The following ADAM12 variants were observed in gnomAD, a reference collection of about 807,000 sequenced individuals.
ADAM12 encodes the protein ADAM metallopeptidase domain 12, also known as disintegrin and metalloproteinase domain-containing protein 12.
ADAM12 carries 70 observed loss-of-function variants against 106.4 expected under a neutral mutation model. The observed-to-expected ratio is 0.66, with a 90% CI of 0.54 to 0.80. The LOEUF is 0.80. Ranked by LOEUF, ADAM12 falls within the 30% of genes least tolerant of loss-of-function variation. The pLI is 0.00. For missense variants in ADAM12, 1,010 were observed against 1,171.9 expected, an observed-to-expected ratio of 0.86 and a Z score of 2.02; for synonymous variants, 420 against 433.5, an observed-to-expected ratio of 0.97 and a Z score of 0.39.
rs953513715 is a variant in ADAM12, at chr10:126,305,972, C to T, written c.186+24440G>A. On this transcript the variant is annotated intron_variant, in intron 2 of 22. Coordinates refer to ENST00000448723, the MANE Select transcript of ADAM12 (RefSeq NM_001288973.2). ...GTAGGAAGTTCTATATTTATATATACTTCATTTCTGTATGTATTGACATTT... is the reference window on the plus strand; with the variant it reads ...GTAGGAAGTTCTATATTTATATATATTTCATTTCTGTATGTATTGACATTT... Among the ~76,000 whole-genome samples the T allele has an allele frequency of 9.2e-5, 14 of 151,966 alleles. 1 individual carries two copies. The highest frequency in any genetic ancestry group is 3.4e-4 in the African/African-American group (14 of 41,522).
In ADAM12 at chr10:126,388,439, T is replaced by G. The variant is rs1856762135; in HGVS notation, c.-294A>C. The G allele has an allele frequency of 4.0e-6, 1 of 249,646 alleles. No individual in the cohort carries two copies. Among genetic ancestry groups the G allele is most frequent in the South Asian group, 1.8e-4 (1 of 5,698 alleles). The allele number at this position is 249,646 out of a possible 1,614,324, so 15.5% of individuals were successfully genotyped here. ...AAACTGTCCGAGTTGGCCCGGGGAC[T>G]AGGAAGAGCGTTAGTGAGAGAAGGC... On this transcript the variant is annotated 5_prime_UTR_variant, in exon 1 of 23. Transcript: ENST00000448723. The surrounding 1 kb of genome is among the most constrained non-coding windows in gnomAD (Gnocchi z 4.4).
At chr10:126,042,144 C>CT (rs1171586299) in intron 18 of ADAM12, 1 of 1,613,676 alleles carries the variant, frequency 6.2e-7, no homozygotes, top group South Asian at 1.1e-5. Flanking sequence ...AGATGAGTGT[C>CT]AGTGAGGCAG....
intron 3 of ADAM12, among the ~76,000 whole-genome samples, chr10:126,197,983 A>G (rs1201607722): frequency 1.3e-5 from 2 of 152,230 alleles, no homozygotes; most frequent in African/African-American, 4.8e-5. Flanking sequence ...TGGGGCTTCA[A>G]TGTGAAATTA....
At chr10:126,158,217 C>G (rs56771976) in intron 3 of ADAM12, among the ~76,000 whole-genome samples, 148,767 of 148,770 alleles carry the variant, frequency 1, 74,382 homozygotes, top group Non-Finnish European at 1. Flanking sequence ...CAGGACATAT[C>G]TGCAGAGCAC....
chr10:126,322,990 G>T (rs1400077427), intron 2 of ADAM12, among the ~76,000 whole-genome samples: 1 of 152,154 alleles, frequency 6.6e-6, no homozygotes, highest in Non-Finnish European at 1.5e-5. Context: ...GTCAGGCCAA[G>T]GGTGGGGTTG....
At chr10:126,246,371 A>G (rs1439474405) in intron 3 of ADAM12, among the ~76,000 whole-genome samples, 1 of 152,224 alleles carries the variant, frequency 6.6e-6, no homozygotes, top group Non-Finnish European at 1.5e-5. Context: ...AACCTAAGGT[A>G]AACTGCGAAT....
chr10:126,183,017 C>A (rs1176611658), intron 3 of ADAM12, among the ~76,000 whole-genome samples: 2 of 152,154 alleles, frequency 1.3e-5, no homozygotes, highest in Non-Finnish European at 2.9e-5. Context: ...AGAGCTCCAA[C>A]TCCTGTCAGA....
intron 3 of ADAM12, among the ~76,000 whole-genome samples, chr10:126,192,301 G>A (rs1957517670): frequency 6.6e-6 from 1 of 152,056 alleles, no homozygotes; most frequent in East Asian, 1.9e-4. Context: ...ATAGTGCCTG[G>A]TACATAGTAA....
intron 3 of ADAM12, among the ~76,000 whole-genome samples, chr10:126,222,824 G>T (rs1479189609): frequency 6.6e-6 from 1 of 152,122 alleles, no homozygotes; most frequent in East Asian, 1.9e-4. Flanking sequence ...TAGTCTTCCT[G>T]GCTCCATATA....
rs1343260902 is a variant in ADAM12, at chr10:126,053,414, G to A, written c.1610-3745C>T. ...AGGTGTGTGTAAGATGCAATGCCTTGTTTACCAATAACGCAGAAGCATGGT... is the reference window on the plus strand; with the variant it reads ...AGGTGTGTGTAAGATGCAATGCCTTATTTACCAATAACGCAGAAGCATGGT... On this transcript the variant is annotated intron_variant, in intron 14 of 22. Coordinates refer to ENST00000448723, the MANE Select transcript of ADAM12 (RefSeq NM_001288973.2). This position sits in a 1 kb window ranked among gnomAD's most constrained non-coding sequence, Gnocchi z 4.6. Among the ~76,000 whole-genome samples the A allele has an allele frequency of 3.3e-5, 5 of 152,200 alleles. 1 individual carries two copies. Among genetic ancestry groups the A allele is most frequent in the South Asian group, 4.1e-4 (2 of 4,828 alleles).
chr10:126,177,820 T>C (rs775520112), intron 3 of ADAM12, among the ~76,000 whole-genome samples: 1 of 152,212 alleles, frequency 6.6e-6, no homozygotes, highest in Non-Finnish European at 1.5e-5. Flanking sequence ...TAACTGCGGC[T>C]GAAGTCCTTC....
At chr10:126,253,342 T>A (rs1164670361) in intron 3 of ADAM12, among the ~76,000 whole-genome samples, 2 of 152,208 alleles carry the variant, frequency 1.3e-5, no homozygotes, top group East Asian at 3.9e-4. Flanking sequence ...CATCAAAGGT[T>A]TTTCATCTGC....
chr10:126,368,341 T>C (rs1265837941), intron 1 of ADAM12, among the ~76,000 whole-genome samples: 1 of 148,708 alleles, frequency 6.7e-6, no homozygotes, highest in African/African-American at 2.5e-5. Context: ...GATCCCAGCT[T>C]AGATTGTGTG....
chr10:126,236,708 G>A (rs1292212593), intron 3 of ADAM12, among the ~76,000 whole-genome samples: 2 of 151,808 alleles, frequency 1.3e-5, no homozygotes, highest in Admixed American at 6.6e-5. Context: ...TCACAGGAAG[G>A]AGCACCTGCA....
chr10:126,242,251 G>A (rs6597749), intron 3 of ADAM12, among the ~76,000 whole-genome samples: 34,318 of 152,100 alleles, frequency 0.23, 4,133 homozygotes, highest in African/African-American at 0.31. Context: ...CCCAGACTCT[G>A]TCAAGTTGTA....
intron 3 of ADAM12, among the ~76,000 whole-genome samples, chr10:126,217,338 T>C (rs916174133): frequency 2.7e-5 from 4 of 150,782 alleles, no homozygotes; most frequent in African/African-American, 7.3e-5. Flanking sequence ...GAAGTTATCA[T>C]AGGAAAACAG....
intron 20 of ADAM12, among the ~76,000 whole-genome samples, chr10:126,036,708 A>G (rs757574838): frequency 8.5e-5 from 13 of 152,346 alleles, no homozygotes; most frequent in Admixed American, 3.3e-4. Context: ...TCAAGGCTCA[A>G]TGAGAACTGA....
At chr10:126,233,303 G>A (rs1232267140) in intron 3 of ADAM12, among the ~76,000 whole-genome samples, 3 of 152,114 alleles carry the variant, frequency 2.0e-5, no homozygotes, top group Non-Finnish European at 4.4e-5. Flanking sequence ...GAAGAGCCTC[G>A]TCACAGAACC....
chr10:126,098,473 G>T lies in ADAM12; in HGVS notation c.939C>A (p.Ile313=), dbSNP rs780791925. The T allele has an allele frequency of 6.2e-7, 1 of 1,614,054 alleles. No individual in the cohort carries two copies. The highest frequency in any genetic ancestry group is 8.5e-7 in the Non-Finnish European group (1 of 1,179,962). The part of the protein sequence containing the change: ...VSGVYFQGTT[I]GMAPIMSMCT... Reference sequence around the variant, plus strand: ...ACATGCTCATGATTGGGGCCATGCCGATGGTGGTCCCTTGGAAATAAACCC... The same window carrying T: ...ACATGCTCATGATTGGGGCCATGCCTATGGTGGTCCCTTGGAAATAAACCC... The change falls in exon 10 of 23, where the codon ATC becomes ATA. Residue 313 remains isoleucine (I), a synonymous_variant. Coordinates refer to ENST00000448723, the MANE Select transcript of ADAM12 (RefSeq NM_001288973.2).
Sources: gnomAD v4.1 joint callset for allele counts (sites outside exome capture counted in the v4.1 genomes callset) on GRCh38, gnomAD v4.1.1 for gene constraint, Gnocchi (gnomAD v3.1) non-coding constraint, MANE v1.5 for transcripts, NCBI Gene and HGNC (gene_info 2026-07-23, HGNC 2026-07-21) for gene names.